VEGFC: variants seen among roughly 807,000 people sequenced by gnomAD.
VEGFC encodes the protein FLT4 ligand DHM.
Under a neutral mutation model 46.1 loss-of-function variants are expected in VEGFC, and 12 were observed. That is an observed-to-expected ratio of 0.26 (90% CI 0.17 to 0.42). VEGFC has a LOEUF of 0.42. Ranked by LOEUF, VEGFC falls within the 10% of genes least tolerant of loss-of-function variation. VEGFC has a pLI of 1.00. For synonymous variants in VEGFC, 232 were observed against 195.5 expected, an observed-to-expected ratio of 1.19 and a Z score of -1.56; for missense variants, 488 against 529.4, an observed-to-expected ratio of 0.92 and a Z score of 0.77.
intron 3 of VEGFC, among the ~76,000 whole-genome samples, chr4:176,716,584 G>GAAAAAAA (rs57274087): frequency 8.0e-3 from 346 of 43,342 alleles, no homozygotes; most frequent in African/African-American, 0.018. Context: ...CTCCCTCTCC[G>GAAAAAAA]AAAAAAAAAA....
At chr4:176,697,258 A>C (rs112714697) in intron 4 of VEGFC, among the ~76,000 whole-genome samples, 32,969 of 146,894 alleles carry the variant, frequency 0.22, 6,105 homozygotes, top group African/African-American at 0.52. Context: ...TAATATCCAG[A>C]ATCTACAATG....
chr4:176,710,042 GA>G (rs34254962), intron 4 of VEGFC, among the ~76,000 whole-genome samples: 1 of 152,132 alleles, frequency 6.6e-6, no homozygotes, highest in South Asian at 2.1e-4. Flanking sequence ...AGGCCTCAAA[GA>G]AAATGAGAAA....
chr4:176,743,995 A>G (rs969417485), intron 1 of VEGFC, among the ~76,000 whole-genome samples: 3 of 152,014 alleles, frequency 2.0e-5, no homozygotes, highest in Non-Finnish European at 4.4e-5. Flanking sequence ...ATTCCCAGAA[A>G]CATTTGTTAC....
chr4:176,772,534 G>A (rs890030397), intron 1 of VEGFC, among the ~76,000 whole-genome samples: 3 of 152,156 alleles, frequency 2.0e-5, no homozygotes, highest in African/African-American at 7.2e-5. Context: ...GTACAATGAC[G>A]CAATGTCACA....
intron 1 of VEGFC, among the ~76,000 whole-genome samples, chr4:176,753,533 A>C (rs1019238734): frequency 3.9e-5 from 6 of 152,086 alleles, no homozygotes; most frequent in African/African-American, 1.4e-4. Context: ...ATGAGATAGA[A>C]TATTATTTTA....
chr4:176,729,783 C>A (rs1579110267), intron 1 of VEGFC, 37 bp from the exon 2 acceptor site: 1 of 1,499,516 alleles, frequency 6.7e-7, no homozygotes, highest in African/African-American at 1.4e-5. Flanking sequence ...GACTTACCAG[C>A]TTAAGGGATT....
chr4:176,764,818 T>A (rs891183202), intron 1 of VEGFC, among the ~76,000 whole-genome samples: 1 of 152,190 alleles, frequency 6.6e-6, no homozygotes, highest in African/African-American at 2.4e-5. Context: ...ACAGTTATAA[T>A]TTTTAAATAA....
chr4:176,771,484 G>A (rs909316754), intron 1 of VEGFC, among the ~76,000 whole-genome samples: 1 of 152,132 alleles, frequency 6.6e-6, no homozygotes, highest in Non-Finnish European at 1.5e-5. Flanking sequence ...AATATCAAGA[G>A]TAGTAAGGAA....
intron 4 of VEGFC, among the ~76,000 whole-genome samples, chr4:176,700,673 C>T (rs938148909): frequency 6.6e-6 from 1 of 152,026 alleles, no homozygotes; most frequent in African/African-American, 2.4e-5. Flanking sequence ...TTTATATTTT[C>T]TTGGATATAC....
chr4:176,705,940 T>A (rs1046676393), intron 4 of VEGFC: 1 of 152,192 alleles, frequency 6.6e-6, no homozygotes, highest in African/African-American at 2.4e-5. Flanking sequence ...TTACAGAACC[T>A]ACTCAAACTC....
At chr4:176,749,878 TC>T (rs1195787910) in intron 1 of VEGFC, among the ~76,000 whole-genome samples, 1 of 151,760 alleles carries the variant, frequency 6.6e-6, no homozygotes, top group Non-Finnish European at 1.5e-5. Flanking sequence ...TACTTAACTG[TC>T]CCACCATGTA....
At chr4:176,752,149 T>C (rs1463560098) in intron 1 of VEGFC, among the ~76,000 whole-genome samples, 1 of 152,030 alleles carries the variant, frequency 6.6e-6, no homozygotes, top group Admixed American at 6.6e-5. Flanking sequence ...TTTTCTGTGA[T>C]AAATACTCCA....
chr4:176,712,767 AC>A, intron 3 of VEGFC, among the ~76,000 whole-genome samples: 1 of 152,316 alleles, frequency 6.6e-6, no homozygotes, highest in East Asian at 1.9e-4. Context: ...CAACAAGGAG[AC>A]TTTTTAAATG....
chr4:176,755,821 T>G (rs1202247883), intron 1 of VEGFC, among the ~76,000 whole-genome samples: 2 of 152,062 alleles, frequency 1.3e-5, no homozygotes, highest in African/African-American at 4.8e-5. Flanking sequence ...TCAGATATTT[T>G]TAGGTTGATG....
intron 1 of VEGFC, among the ~76,000 whole-genome samples, chr4:176,758,624 G>T (rs542923099): frequency 1.3e-5 from 2 of 152,202 alleles, no homozygotes; most frequent in East Asian, 3.9e-4. Context: ...CTGACTTGCT[G>T]CATTTCTTGC....
intron 4 of VEGFC, among the ~76,000 whole-genome samples, chr4:176,704,348 G>A (rs1039404000): frequency 2.6e-5 from 4 of 151,996 alleles, no homozygotes; most frequent in Non-Finnish European, 5.9e-5. Flanking sequence ...CTACCACTCT[G>A]ATGTCTTACA....
Position 176,683,906 on chromosome 4 carries a change from A to C in VEGFC, c.*20T>G. ...AGTTTTCCATAATAGAAAATCGATGAACTGGAAAACAGTACAATCTTAGCT... is the reference window on the plus strand; with the variant it reads ...AGTTTTCCATAATAGAAAATCGATGCACTGGAAAACAGTACAATCTTAGCT... On this transcript the variant is annotated 3_prime_UTR_variant, in exon 7 of 7. Coordinates refer to ENST00000618562, the MANE Select transcript of VEGFC (RefSeq NM_005429.5). 6.3e-7 allele frequency: 1 copy of C among 1,585,876 alleles called. No homozygotes were observed. The highest frequency in any genetic ancestry group is 8.7e-7 in the Non-Finnish European group (1 of 1,154,296).
chr4:176,772,940 G>A lies in VEGFC; in HGVS notation c.147+19225C>T, dbSNP rs143779280. Among the ~76,000 whole-genome samples, 509 of 152,216 alleles carry A rather than the reference G, an allele frequency of 3.3e-3. 5 individuals carry two copies. Among genetic ancestry groups the A allele is most frequent in the Admixed American group, 7.8e-3 (119 of 15,278 alleles). ...TTTACAGCAACATAAAACAGACCAC[G>A]ATACCTACCCAAAGTACATTCATTC... is the stretch of plus-strand genomic sequence containing the variant. On this transcript the variant is annotated intron_variant, in intron 1 of 6. Transcript: ENST00000618562.
intron 1 of VEGFC, among the ~76,000 whole-genome samples, chr4:176,751,074 T>C (rs985338692): frequency 6.6e-6 from 1 of 151,694 alleles, no homozygotes. Context: ...AGACTGAGAA[T>C]AATAAATTTA....
Sources: gnomAD v4.1 joint callset for allele counts (sites outside exome capture counted in the v4.1 genomes callset) on GRCh38, gnomAD v4.1.1 for gene constraint, MANE v1.5 for transcripts, NCBI Gene and HGNC (gene_info 2026-07-23, HGNC 2026-07-21) for gene names.